Variants in AGAP2 observed in about 807,000 individuals in gnomAD.
AGAP2 encodes ArfGAP with GTPase domain, ankyrin repeat and PH domain 2, also known as arf-GAP with GTPase, ANK repeat and PH domain-containing protein 2.
Under a neutral mutation model 110.9 loss-of-function variants are expected in AGAP2, and 32 were observed. The ratio of observed to expected loss-of-function variants is 0.29; its 90% CI spans 0.22 to 0.39. The LOEUF (loss-of-function observed/expected upper bound fraction) is 0.39. Ranked by LOEUF, AGAP2 falls within the 10% of genes least tolerant of loss-of-function variation. The pLI is 1.00. For missense variants in AGAP2, 1,285 were observed against 1,638.5 expected, an observed-to-expected ratio of 0.78 and a Z score of 3.72; for synonymous variants, 702 against 713.0, an observed-to-expected ratio of 0.98 and a Z score of 0.25.
chr12:57,736,121 A>C lies in AGAP2; in HGVS notation c.1169-694T>G, dbSNP rs1433424255. ...CAGCCAGGTCCAGCCCCCGCGCCTGACACCGGCCGGACGTTCCCGGGGCGC... is the reference window on the plus strand; with the variant it reads ...CAGCCAGGTCCAGCCCCCGCGCCTGCCACCGGCCGGACGTTCCCGGGGCGC... On this transcript the variant is annotated intron_variant, in intron 1 of 18. Coordinates refer to ENST00000547588, the MANE Select transcript of AGAP2 (RefSeq NM_001122772.3). Among the ~76,000 whole-genome samples the C allele has an allele frequency of 2.0e-5, 3 of 150,654 alleles. No homozygotes were observed. In the East Asian group the frequency reaches 6.1e-4, roughly 31 times the overall value.
At chr12:57,732,788 A>T in intron 6 of AGAP2, 57 bp downstream of exon 6, 12 of 1,606,370 alleles carry the variant, frequency 7.5e-6, no homozygotes, top group Non-Finnish European at 1.0e-5. Context: ...GACCACTGAG[A>T]ATATCCCAGG....
rs1242913255 is a variant in AGAP2, at chr12:57,738,582, G to A, written c.-336C>T. Among the ~76,000 whole-genome samples the A allele has an allele frequency of 6.6e-6, 1 of 151,926 alleles. No homozygotes were observed. The highest frequency in any genetic ancestry group is 1.5e-5 in the Non-Finnish European group (1 of 67,934). ...GGGAGGGCGGGGAGGACAGTAGTGGGGGCAAATGGGGGAGAGAGAGGAAAA... is the reference window on the plus strand; with the variant it reads ...GGGAGGGCGGGGAGGACAGTAGTGGAGGCAAATGGGGGAGAGAGAGGAAAA... On this transcript the variant is annotated 5_prime_UTR_variant, in exon 1 of 19. Coordinates refer to ENST00000547588, the MANE Select transcript of AGAP2 (RefSeq NM_001122772.3). This position sits in a 1 kb window ranked among gnomAD's most constrained non-coding sequence, Gnocchi z 6.7.
Position 57,731,809 on chromosome 12 carries a change from C to T in AGAP2, c.1953G>A (p.Ala651=), listed in dbSNP as rs1257645556. 3 of 1,564,410 alleles carry T rather than the reference C, an allele frequency of 1.9e-6. No individual in the cohort carries two copies. Among genetic ancestry groups the T allele is most frequent in the Non-Finnish European group, 2.6e-6 (3 of 1,154,878 alleles). Residue 651 remains alanine, a splice_region_variant and synonymous_variant, in exon 8 of 19, where the codon GCG becomes GCA. Coordinates refer to ENST00000547588, the MANE Select transcript of AGAP2 (RefSeq NM_001122772.3). ...RAAKRRTSLF[A]NRRGSDSEKR... ...GGGTCAGCATGTCCATGTCCAATACCGCAAAAAGGCTGGTCCTGCGCTTGG... is the reference window on the plus strand; with the variant it reads ...GGGTCAGCATGTCCATGTCCAATACTGCAAAAAGGCTGGTCCTGCGCTTGG...
chr12:57,741,734 A>G (rs2140372721), upstream of AGAP2, among the ~76,000 whole-genome samples: 1 of 152,350 alleles, frequency 6.6e-6, no homozygotes, highest in South Asian at 2.1e-4. Flanking sequence ...GAGCAGGGAA[A>G]GAGAAAGAAT....
At chr12:57,731,303 T>C in intron 10 of AGAP2, 63 bp downstream of exon 10, 6 of 1,356,888 alleles carry the variant, frequency 4.4e-6, no homozygotes, top group Non-Finnish European at 6.3e-6. Context: ...GTCAGAGGCA[T>C]AGACAGGTAG....
chr12:57,732,901 C>G lies in AGAP2; in HGVS notation c.1628G>C (p.Ser543Thr), dbSNP rs1028886359. Residue 543 changes from serine (S) to threonine (T), a missense_variant, in exon 6 of 19, where the codon AGC (serine) becomes ACC (threonine). By Grantham distance (58) the Ser-to-Thr change is moderately conservative. Transcript: ENST00000547588. ...ATAGGTTGCACAAGTCTCATAGTAG[C>G]TGCAGCGTTTCATGTCCGCGCACAG... is the stretch of plus-strand genomic sequence containing the variant. Reference protein sequence around the residue: ...RALCADMKRCSYYETCATYGL... With the variant: ...RALCADMKRCTYYETCATYGL... 6.2e-7 allele frequency: 1 copy of G among 1,614,098 alleles called. No homozygotes were observed. The highest frequency in any genetic ancestry group is 1.7e-5 in the Admixed American group (1 of 60,018).
At chr12:57,731,296 A>G in intron 10 of AGAP2, 70 bp downstream of exon 10, 1 of 1,297,558 alleles carries the variant, frequency 7.7e-7, no homozygotes, top group Non-Finnish European at 1.1e-6. Flanking sequence ...GTGCTTTGTC[A>G]GAGGCATAGA....
chr12:57,737,015 C>T lies in AGAP2; in HGVS notation c.1168+64G>A. The T allele has an allele frequency of 6.9e-7, 1 of 1,450,324 alleles. No homozygotes were observed. Among genetic ancestry groups the T allele is most frequent in the Non-Finnish European group, 9.1e-7 (1 of 1,099,714 alleles). 89.8% of individuals were successfully genotyped at this position (1,450,324 alleles called of 1,614,324 possible). A position where few individuals can be genotyped will look rare whatever the true frequency, so the allele number is the denominator to read the frequency against. ...CCCTAGTTTCCTGGACCTCGCTCCT[C>T]CACCCCAAGCTGAGCATTCCAGGTA... On this transcript the variant is annotated intron_variant, in intron 1 of 18. Transcript: ENST00000547588. The surrounding 1 kb of genome is among the most constrained non-coding windows in gnomAD (Gnocchi z 5.9).
rs771899974 is a variant in AGAP2, at chr12:57,727,385, C to A, written c.3055G>T (p.Ala1019Ser). ...RVWESDTRGR[A>S]KPSRDSSREE... ...CGCGAAGAGTCCCGCGAGGGCTTGG[C>A]ACGGCCTCGCGTGTCGCTTTCCCAC... Residue 1019 changes from alanine to serine, a missense_variant, in exon 17 of 19, where the codon GCC becomes TCC. This residue lies in a region of AGAP2 where 201 missense variants were observed against 276.1 expected (regional missense o/e 0.73). Coordinates refer to ENST00000547588, the MANE Select transcript of AGAP2 (RefSeq NM_001122772.3). 2.5e-6 allele frequency: 4 copies of A among 1,611,962 alleles called. No homozygotes were observed. In the Admixed American group the frequency reaches 6.7e-5, roughly 27 times the overall value.
Position 57,727,345 on chromosome 12 carries a change from T to G in AGAP2, c.3080+15A>C. The G allele has an allele frequency of 6.2e-7, 1 of 1,607,176 alleles. No individual in the cohort carries two copies. The highest frequency in any genetic ancestry group is 8.5e-7 in the Non-Finnish European group (1 of 1,177,070). Reference sequence around the variant, plus strand: ...CCTCAGCAACCCTCCCCCCGCTCTGTTCCCTCACGCTTACCGCGAAGAGTC... The same window carrying G: ...CCTCAGCAACCCTCCCCCCGCTCTGGTCCCTCACGCTTACCGCGAAGAGTC... On this transcript the variant is annotated intron_variant, in intron 17 of 18. Coordinates refer to ENST00000547588, the MANE Select transcript of AGAP2 (RefSeq NM_001122772.3).
chr12:57,729,194 GAAAAGAAAAAA>G (rs1954836558), intron 13 of AGAP2, among the ~76,000 whole-genome samples: 2 of 142,340 alleles, frequency 1.4e-5, no homozygotes. Context: ...AAAAAAAAAA[GAAAAGAAAAAA>G]AAAAGAAAGA....
chr12:57,740,497 A>G (rs1211613057), upstream of AGAP2, among the ~76,000 whole-genome samples: 1 of 152,160 alleles, frequency 6.6e-6, no homozygotes, highest in Non-Finnish European at 1.5e-5. Context: ...AAGGAGTAAA[A>G]CAAATCACTT....
In AGAP2 at chr12:57,737,954, G is replaced by C. The variant is rs1301807369; in HGVS notation, c.293C>G (p.Ala98Gly). The change falls in exon 1 of 19, where the codon GCC (alanine) becomes GGC (glycine). Residue 98 changes from alanine (A) to glycine (G), a missense_variant. Ala to Gly is a moderately conservative substitution (Grantham distance 60). This residue lies in a region of AGAP2 where 844 missense variants were observed against 941.2 expected (regional missense o/e 0.90). Transcript: ENST00000547588. The surrounding 1 kb of genome is among the most constrained non-coding windows in gnomAD (Gnocchi z 5.9). Reference sequence around the variant, plus strand: ...GGGGGAGACTGGGCGGGCCGGACTGGCCGGAGCCGGGGACAGGGCTGGGGG... The same window carrying C: ...GGGGGAGACTGGGCGGGCCGGACTGCCCGGAGCCGGGGACAGGGCTGGGGG... Reference protein sequence around the residue: ...AEPPALSPAPASPARPVSPAP... With the variant: ...AEPPALSPAPGSPARPVSPAP... 3.6e-6 allele frequency: 5 copies of C among 1,403,224 alleles called. No individual in the cohort carries two copies. Among genetic ancestry groups the C allele is most frequent in the Admixed American group, 6.7e-5 (2 of 29,950 alleles). 86.9% of individuals were successfully genotyped at this position (1,403,224 alleles called of 1,614,324 possible).
At chr12:57,729,856 T>A in intron 12 of AGAP2, 89 bp from the exon 13 acceptor site, 1 of 1,516,086 alleles carries the variant, frequency 6.6e-7, no homozygotes, top group Non-Finnish European at 8.8e-7. Context: ...GAACTAGCTT[T>A]GGCATTTTAG....
chr12:57,733,081 T>C (rs1022377335), intron 5 of AGAP2, 102 bp from the exon 6 acceptor site: 4 of 1,454,772 alleles, frequency 2.7e-6, no homozygotes, highest in Non-Finnish European at 3.8e-6. Context: ...CTGGGTCCAC[T>C]GGGGATGGGG....
At chr12:57,735,452 AG>A in intron 1 of AGAP2, 25 bp from the exon 2 acceptor site, 1 of 1,610,936 alleles carries the variant, frequency 6.2e-7, no homozygotes. Flanking sequence ...GGGCAGTAAG[AG>A]GGGAGGCTCC....
chr12:57,727,273 G>C, intron 17 of AGAP2, 44 bp from the exon 18 acceptor site: 1 of 1,612,118 alleles, frequency 6.2e-7, no homozygotes, highest in South Asian at 1.1e-5. Context: ...GGGACCCCCA[G>C]CCAGGACTTC....
At chr12:57,728,272 C>G in intron 14 of AGAP2, 46 bp downstream of exon 14, 2 of 1,604,052 alleles carry the variant, frequency 1.2e-6, no homozygotes, top group Non-Finnish European at 1.7e-6. Flanking sequence ...CACCCCCACC[C>G]TTCTGCACCC....
Position 57,737,535 on chromosome 12 carries a change from C to T in AGAP2, c.712G>A (p.Ala238Thr), listed in dbSNP as rs1168443614. 1 of 1,560,718 alleles carries T rather than the reference C, an allele frequency of 6.4e-7. No homozygotes were observed. The highest frequency in any genetic ancestry group is 2.4e-5 in the East Asian group (1 of 41,792). The stretch of plus-strand genomic sequence containing the variant: ...CCTCCCCCGGCGGCGGCGGCGGTGG[C>T]GGCGGCAGAGACCGAAGCTCCAGTC... ...AGTGASVSAA[A>T]TAAAAGGGGS... Residue 238 changes from alanine (A) to threonine (T), a missense_variant, in exon 1 of 19, where the codon GCC becomes ACC. Around this residue, in one of 7 missense-constraint regions of AGAP2, gnomAD observed 844 missense variants for 941.2 expected, o/e 0.90. Coordinates refer to ENST00000547588, the MANE Select transcript of AGAP2 (RefSeq NM_001122772.3). This position sits in a 1 kb window ranked among gnomAD's most constrained non-coding sequence, Gnocchi z 5.9.
Sources: gnomAD v4.1 joint callset for allele counts (sites outside exome capture counted in the v4.1 genomes callset) on GRCh38, gnomAD v4.1.1 for gene constraint, gnomAD v4.1.1 regional missense constraint, Gnocchi (gnomAD v3.1) non-coding constraint, MANE v1.5 for transcripts, NCBI Gene and HGNC (gene_info 2026-07-23, HGNC 2026-07-21) for gene names.